ZMYND11: variants seen among roughly 807,000 people sequenced by gnomAD.
ZMYND11 encodes the protein zinc finger MYND-type containing 11.
In ZMYND11, 9 loss-of-function variants were observed where a neutral mutation model predicts 84.9. The ratio of observed to expected loss-of-function variants is 0.11; its 90% CI spans 0.06 to 0.18. The LOEUF is 0.18. Ranked by LOEUF, ZMYND11 falls within the 10% of genes least tolerant of loss-of-function variation. The pLI is 1.00. For missense variants in ZMYND11, 409 were observed against 761.0 expected (o/e 0.54, Z 5.44); for synonymous variants, 250 against 244.1 (o/e 1.02, Z -0.23).
At chr10:214,692 A>G (rs1481036857) in intron 3 of ZMYND11, among the ~76,000 whole-genome samples, 2 of 152,218 alleles carry the variant, frequency 1.3e-5, no homozygotes, top group Admixed American at 6.5e-5. Context: ...ATTTTTTAAA[A>G]GAAATGCTCT....
chr10:183,381 G>C (rs376718354), intron 2 of ZMYND11, among the ~76,000 whole-genome samples: 6 of 152,052 alleles, frequency 3.9e-5, no homozygotes, highest in African/African-American at 1.4e-4. Flanking sequence ...TGGTGGCTTG[G>C]GGGAGGGGGC....
At chr10:176,492 GA>G (rs1175769406) in intron 1 of ZMYND11, among the ~76,000 whole-genome samples, 7 of 151,834 alleles carry the variant, frequency 4.6e-5, no homozygotes, top group South Asian at 2.1e-4. Context: ...CATAACAGCT[GA>G]AAAAAAGTGA....
At chr10:215,765 C>G (rs1316169353) in intron 3 of ZMYND11, among the ~76,000 whole-genome samples, 1 of 151,920 alleles carries the variant, frequency 6.6e-6, no homozygotes, top group Non-Finnish European at 1.5e-5. Context: ...GCTATGTTGC[C>G]TAGGATGGTC....
intron 3 of ZMYND11, among the ~76,000 whole-genome samples, chr10:216,292 T>A (rs959700320): frequency 2.0e-5 from 3 of 152,078 alleles, no homozygotes; most frequent in Non-Finnish European, 2.9e-5. Flanking sequence ...ACAACCCTTT[T>A]ATATATATAT....
At chr10:130,457 C>A (rs1835290214), upstream of ZMYND11, among the ~76,000 whole-genome samples, 1 of 152,174 alleles carries the variant, frequency 6.6e-6, no homozygotes, top group African/African-American at 2.4e-5. Context: ...GTTTAATATT[C>A]ATCATTACCA....
chr10:145,359 T>G (rs1168545202), intron 1 of ZMYND11, among the ~76,000 whole-genome samples: 2 of 152,098 alleles, frequency 1.3e-5, no homozygotes, highest in African/African-American at 4.8e-5. Context: ...AATAAACATA[T>G]GCACGCAGGT....
intron 2 of ZMYND11, among the ~76,000 whole-genome samples, chr10:185,247 T>C (rs1419070166): frequency 1.3e-5 from 2 of 152,146 alleles, no homozygotes; most frequent in African/African-American, 4.8e-5. Context: ...TGTGCCTCTC[T>C]GTCTTCTGTA....
chr10:139,704 CT>C (rs67915368), intron 1 of ZMYND11, among the ~76,000 whole-genome samples: 12,048 of 80,186 alleles, frequency 0.15, 282 homozygotes, highest in African/African-American at 0.2. Context: ...ACACATGGTC[CT>C]TTTTTTTTTT....
chr10:251,108 T>TATGCCAGATGCCGAATA (rs1478300707), intron 14 of ZMYND11, among the ~76,000 whole-genome samples: 1 of 152,192 alleles, frequency 6.6e-6, no homozygotes, highest in African/African-American at 2.4e-5. Context: ...AGCATGTAGG[T>TATGCCAGATGCCGAATA]ATGCCAGATG....
At chr10:195,647 G>T (rs996519880) in intron 2 of ZMYND11, among the ~76,000 whole-genome samples, 1 of 152,134 alleles carries the variant, frequency 6.6e-6, no homozygotes, top group Non-Finnish European at 1.5e-5. Context: ...TTAAGGGATA[G>T]GCATACATAG....
In ZMYND11 at chr10:254,563, A is replaced by C. The variant is rs1345380086; in HGVS notation, c.*2093A>C. On this transcript the variant is annotated 3_prime_UTR_variant, in exon 15 of 15. Transcript: ENST00000381604. Reference sequence around the variant, plus strand: ...CTATGATGCATTCTGGCATTTTGTAAGCTGCTCTGACTAGCAATATATAGA... The same window carrying C: ...CTATGATGCATTCTGGCATTTTGTACGCTGCTCTGACTAGCAATATATAGA... The C allele has an allele frequency of 6.6e-6, 1 of 152,632 alleles. No individual in the cohort carries two copies. 9.5% of individuals were successfully genotyped at this position (152,632 alleles called of 1,614,324 possible).
At chr10:190,832 A>T (rs982163670) in intron 2 of ZMYND11, among the ~76,000 whole-genome samples, 8 of 152,082 alleles carry the variant, frequency 5.3e-5, no homozygotes, top group Non-Finnish European at 8.8e-5. Flanking sequence ...ATCTCCTTTG[A>T]GATTTTTGAG....
upstream of ZMYND11, among the ~76,000 whole-genome samples, chr10:134,203 C>T (rs1056987150): frequency 1.3e-5 from 2 of 152,122 alleles, no homozygotes; most frequent in Non-Finnish European, 2.9e-5. Context: ...TAATAATAAA[C>T]CAGAACAATT....
chr10:179,848 T>C (rs531992205), intron 1 of ZMYND11, 146 bp from the exon 2 acceptor site: 8 of 484,680 alleles, frequency 1.7e-5, no homozygotes, highest in South Asian at 1.5e-4. Context: ...ACTGGTGATG[T>C]GGATGGTAGA....
chr10:217,795 A>C (rs1345827600), intron 3 of ZMYND11, among the ~76,000 whole-genome samples: 1 of 152,190 alleles, frequency 6.6e-6, no homozygotes. Context: ...ATATAGGTAG[A>C]AAATGACACA....
chr10:239,357 A>C, intron 6 of ZMYND11, 81 bp from the exon 7 acceptor site: 4 of 1,115,694 alleles, frequency 3.6e-6, no homozygotes, highest in Non-Finnish European at 4.0e-6. Flanking sequence ...CCTAGAAAAG[A>C]CTGCTTGTCC....
At chr10:143,972 A>G (rs1437138370) in intron 1 of ZMYND11, among the ~76,000 whole-genome samples, 1 of 151,344 alleles carries the variant, frequency 6.6e-6, no homozygotes, top group Admixed American at 6.6e-5. Flanking sequence ...CCACTGCACT[A>G]CAGCCTGGGC....
chr10:228,505 C>A (rs150973002), intron 4 of ZMYND11, among the ~76,000 whole-genome samples: 1 of 152,268 alleles, frequency 6.6e-6, no homozygotes, highest in Non-Finnish European at 1.5e-5. Context: ...AAAGTACATG[C>A]AGTTTCCTTG....
rs187507321 is a variant in ZMYND11 at position 188,660 on chromosome 10, G to A, written c.116+8532G>A. ...TTGTCATGTTATTTCTCTAGATGCCGTGTCTATTTTAGTATCCATTAAAAA... is the reference window on the plus strand; with the variant it reads ...TTGTCATGTTATTTCTCTAGATGCCATGTCTATTTTAGTATCCATTAAAAA... On this transcript the variant is annotated intron_variant, in intron 2 of 14. Coordinates refer to ENST00000381604, the MANE Select transcript of ZMYND11 (RefSeq NM_001370100.5). Among the ~76,000 whole-genome samples the A allele has an allele frequency of 3.4e-3, 517 of 151,270 alleles. 3 individuals carry two copies. The highest frequency in any genetic ancestry group is 0.012 in the African/African-American group (493 of 41,214).
Sources: gnomAD v4.1 joint callset for allele counts (sites outside exome capture counted in the v4.1 genomes callset) on GRCh38, gnomAD v4.1.1 for gene constraint, MANE v1.5 for transcripts, NCBI Gene and HGNC (gene_info 2026-07-23, HGNC 2026-07-21) for gene names.